Variants in PTPRE observed in about 807,000 individuals in gnomAD.
PTPRE encodes the protein receptor-type tyrosine-protein phosphatase epsilon.
In PTPRE, 51 loss-of-function variants were observed where a neutral mutation model predicts 102.0. That is an observed-to-expected ratio of 0.50 (90% CI 0.40 to 0.63). The LOEUF (loss-of-function observed/expected upper bound fraction) is 0.63. Among genes scored for constraint, PTPRE ranks in the 30% least tolerant of loss-of-function variants. PTPRE has a pLI of 0.00. For missense variants in PTPRE, 752 were observed against 915.1 expected (o/e 0.82, Z 2.30); for synonymous variants, 345 against 348.2 (o/e 0.99, Z 0.10).
chr10:127,963,331 T>C (rs1261397316), intron 1 of PTPRE, among the ~76,000 whole-genome samples: 1 of 152,142 alleles, frequency 6.6e-6, no homozygotes, highest in Non-Finnish European at 1.5e-5. Flanking sequence ...CCAAGGCCAC[T>C]CCCTACAGGA....
At chr10:127,941,543 C>T (rs1451696988) in intron 1 of PTPRE, among the ~76,000 whole-genome samples, 1 of 152,184 alleles carries the variant, frequency 6.6e-6, no homozygotes, top group Non-Finnish European at 1.5e-5. Context: ...AAGCTGAGCA[C>T]CTAGATTTTT....
chr10:127,947,313 G>T (rs946873970), intron 1 of PTPRE, among the ~76,000 whole-genome samples: 1 of 152,206 alleles, frequency 6.6e-6, no homozygotes, highest in Non-Finnish European at 1.5e-5. Context: ...TTTATCTAAA[G>T]TGAGCCAGAT....
intron 2 of PTPRE, among the ~76,000 whole-genome samples, chr10:127,986,749 C>G (rs969068277): frequency 1.3e-5 from 2 of 152,202 alleles, no homozygotes; most frequent in African/African-American, 4.8e-5. Flanking sequence ...AGGGTTCTGA[C>G]AGGCAGGGGG....
Position 128,076,746 on chromosome 10 carries a change from CT to C in PTPRE, c.1725+21del. ...TCAATCAGGTATTGTTGAAGTAGCT[CT>C]TTAAACGCTTGTGAATTTAGTGAAC... On this transcript the variant is annotated intron_variant, in intron 18 of 20. Transcript: ENST00000254667. 6.2e-7 allele frequency: 1 copy of C among 1,609,388 alleles called. No homozygotes were observed. The highest frequency in any genetic ancestry group is 8.5e-7 in the Non-Finnish European group (1 of 1,178,696).
intron 2 of PTPRE, chr10:127,999,716 C>A (rs777325077): frequency 1.0e-5 from 10 of 983,982 alleles, no homozygotes; most frequent in Non-Finnish European, 1.2e-5. Context: ...TCGAGATGAG[C>A]GGTCTCTCCT....
chr10:128,071,124 C>A, intron 15 of PTPRE: 1 of 554,988 alleles, frequency 1.8e-6, no homozygotes, highest in Middle Eastern at 4.8e-4. Context: ...GGGTCTCAGG[C>A]AAGCTGCTTC....
chr10:128,000,212 A>AT (rs962141987), intron 2 of PTPRE, among the ~76,000 whole-genome samples: 92 of 152,162 alleles, frequency 6.0e-4, no homozygotes, highest in African/African-American at 2.1e-3. Flanking sequence ...GGTTCAAATG[A>AT]TTTTCTGCCT....
rs149763355 is a variant in PTPRE, at chr10:127,989,328, G to C, written c.-8+7032G>C. 5.6e-4 allele frequency among the ~76,000 whole-genome samples: 86 copies of C among 152,256 alleles called. 1 individual carries two copies. In the East Asian group the frequency reaches 0.014, roughly 25 times the overall value. On this transcript the variant is annotated intron_variant, in intron 2 of 20. Coordinates refer to ENST00000254667, the MANE Select transcript of PTPRE (RefSeq NM_006504.6). ...ATTTGCTCTATTTCCTGTTTTTCCA[G>C]ATAACTTACATGCCTTATGCTTAAA...
rs532856508 is a variant in PTPRE at position 127,935,294 on chromosome 10, AGTAAGCAGAGCTTTT to A, written c.-31+27988_-31+28002del. Among the ~76,000 whole-genome samples the A allele has an allele frequency of 7.5e-4, 114 of 152,310 alleles. 2 individuals are homozygous for A. The South Asian group carries it at 0.022, about 29-fold the overall frequency. ...GGCGGCAGGATGCGGTTGCGTCAGG[AGTAAGCAGAGCTTTT>A]GTGACCAAAATCAACCCCGGGGCAT... On this transcript the variant is annotated intron_variant, in intron 1 of 20. Transcript: ENST00000254667.
rs140952039 is a variant in PTPRE at position 128,049,630 on chromosome 10, C to T, written c.384C>T (p.Ser128=). The T allele has an allele frequency of 6.9e-5, 112 of 1,613,926 alleles. 1 individual carries two copies. In the South Asian group the frequency reaches 7.0e-4, roughly 10 times the overall value. Residue 128 remains serine, a synonymous_variant, in exon 6 of 21, where the codon TCC becomes TCT. Transcript: ENST00000254667. ...EHLEEEIRIR[S]ADDCKQFREE... ...TGGAGGAGGAGATCCGTATCAGATC[C>T]GCCGACGACTGCAAGCAGTTTCGGG... is the stretch of plus-strand genomic sequence containing the variant.
intron 2 of PTPRE, among the ~76,000 whole-genome samples, chr10:128,014,780 C>T (rs1355433951): frequency 7.2e-5 from 11 of 152,084 alleles, no homozygotes; most frequent in Non-Finnish European, 1.5e-4. Context: ...GGGTGGTCAG[C>T]GGAGCCCTCT....
Position 127,942,277 on chromosome 10 carries a change from C to T in PTPRE, c.-31+34968C>T, listed in dbSNP as rs7913324. On this transcript the variant is annotated intron_variant, in intron 1 of 20. Transcript: ENST00000254667. ...CTGAGGCTCTAATCACTATCAGAAA[C>T]GGAAGAATGTTGAGGAAAGGTGATC... 7.4e-3 allele frequency among the ~76,000 whole-genome samples: 1,122 copies of T among 152,270 alleles called. 12 individuals carry two copies. Among genetic ancestry groups the T allele is most frequent in the African/African-American group, 0.025 (1,055 of 41,532 alleles).
chr10:127,911,235 A>G (rs1406477774), intron 1 of PTPRE, among the ~76,000 whole-genome samples: 1 of 152,232 alleles, frequency 6.6e-6, no homozygotes. Flanking sequence ...AATCTAAATG[A>G]TTATTATGTA....
chr10:127,965,079 AT>A (rs1192987576), intron 1 of PTPRE: 3 of 452,272 alleles, frequency 6.6e-6, no homozygotes, highest in African/African-American at 6.0e-5. Context: ...GACTTCTAAA[AT>A]TCAGTCCAAT....
At chr10:128,005,991 C>A (rs1351740276) in intron 2 of PTPRE, among the ~76,000 whole-genome samples, 1 of 152,200 alleles carries the variant, frequency 6.6e-6, no homozygotes, top group African/African-American at 2.4e-5. Context: ...GTGTGTGCCA[C>A]CTCCTCTTCT....
chr10:127,917,177 CAGACACAG>C (rs1846268332), intron 1 of PTPRE, among the ~76,000 whole-genome samples: 1 of 151,350 alleles, frequency 6.6e-6, no homozygotes, highest in East Asian at 1.9e-4. Flanking sequence ...GCATCCGGAC[CAGACACAG>C]GCTTACGAGA....
Position 127,959,439 on chromosome 10 carries a change from G to A in PTPRE, c.-30-22835G>A, listed in dbSNP as rs116724033. Among the ~76,000 whole-genome samples, 378 of 151,402 alleles carry A rather than the reference G, an allele frequency of 2.5e-3. 3 individuals are homozygous for A. Among genetic ancestry groups the A allele is most frequent in the African/African-American group, 7.9e-3 (327 of 41,494 alleles). On this transcript the variant is annotated intron_variant, in intron 1 of 20. Transcript: ENST00000254667. ...ATATGCCTTTCTTATGCCTTCCTGGGCATTTTCTTGAATTACTTTTTTGTG... is the reference window on the plus strand; with the variant it reads ...ATATGCCTTTCTTATGCCTTCCTGGACATTTTCTTGAATTACTTTTTTGTG...
intron 1 of PTPRE, among the ~76,000 whole-genome samples, chr10:127,943,116 A>G (rs12414855): frequency 6.6e-6 from 1 of 152,118 alleles, no homozygotes; most frequent in South Asian, 2.1e-4. Flanking sequence ...TAATGAAAAC[A>G]GTAAGACTGT....
intron 1 of PTPRE, among the ~76,000 whole-genome samples, chr10:127,953,469 C>T (rs1160188617): frequency 6.6e-6 from 1 of 152,232 alleles, no homozygotes; most frequent in East Asian, 1.9e-4. Flanking sequence ...AACTGCTCAT[C>T]ATGAACTGGG....
Sources: allele counts gnomAD v4.1 joint callset (sites outside exome capture counted in the v4.1 genomes callset), GRCh38; gene constraint gnomAD v4.1.1; transcripts MANE v1.5; gene names NCBI Gene and HGNC (gene_info 2026-07-23, HGNC 2026-07-21).